The following IMPG1 variants were observed in gnomAD, a reference collection of about 807,000 sequenced individuals.
IMPG1 encodes the protein interphotoreceptor matrix proteoglycan of 150 kDa.
In IMPG1, 85 loss-of-function variants were observed where a neutral mutation model predicts 92.0. The observed-to-expected ratio is 0.92, with a 90% CI of 0.78 to 1.11. IMPG1 has a LOEUF of 1.11. IMPG1 is among the 50% of genes least tolerant of loss of function. The pLI is 0.00. For synonymous variants in IMPG1, 367 were observed against 334.1 expected (o/e 1.10, Z -1.08); for missense variants, 1,022 against 956.0 (o/e 1.07, Z -0.91).
At chr6:76,029,201 T>C (rs577845912) in intron 4 of IMPG1, among the ~76,000 whole-genome samples, 23 of 152,314 alleles carry the variant, frequency 1.5e-4, no homozygotes, top group Admixed American at 1.3e-3. Context: ...TCCAAGTTTA[T>C]CTTTGGACCT....
At chr6:76,012,119 A>G (rs373229322) in intron 7 of IMPG1, among the ~76,000 whole-genome samples, 1 of 152,202 alleles carries the variant, frequency 6.6e-6, no homozygotes, top group Non-Finnish European at 1.5e-5. Context: ...CTAATCTAAT[A>G]GATTAGATTT....
chr6:75,923,027 G>C (rs907417440), intron 16 of IMPG1, among the ~76,000 whole-genome samples: 1 of 151,682 alleles, frequency 6.6e-6, no homozygotes, highest in Non-Finnish European at 1.5e-5. Flanking sequence ...ATTGTCCAAG[G>C]TTTTTTCCCC....
intron 1 of IMPG1, among the ~76,000 whole-genome samples, chr6:76,068,770 G>A (rs1452298894): frequency 5.9e-5 from 9 of 151,956 alleles, no homozygotes; most frequent in African/African-American, 2.2e-4. Flanking sequence ...GCCCACCTCA[G>A]CCTCCCAAAG....
intron 15 of IMPG1, among the ~76,000 whole-genome samples, chr6:75,929,070 AT>A (rs1781616348): frequency 6.6e-6 from 1 of 152,242 alleles, no homozygotes; most frequent in East Asian, 1.9e-4. Context: ...TGCTGTGAAC[AT>A]TTTTGTAAGC....
At chr6:76,041,768 G>A (rs2127594489) in intron 2 of IMPG1, 125 bp downstream of exon 2, 2 of 653,354 alleles carry the variant, frequency 3.1e-6, no homozygotes, top group East Asian at 5.4e-5. Context: ...TCACTAGGTT[G>A]ATTTTTATAA....
intron 12 of IMPG1, among the ~76,000 whole-genome samples, chr6:75,953,903 G>A (rs1359259032): frequency 6.6e-6 from 1 of 152,126 alleles, no homozygotes; most frequent in African/African-American, 2.4e-5. Flanking sequence ...AAGAATGATG[G>A]TTTCTAGCTT....
intron 12 of IMPG1, among the ~76,000 whole-genome samples, chr6:75,999,876 T>C (rs544839654): frequency 1.5e-4 from 23 of 152,232 alleles, no homozygotes; most frequent in Non-Finnish European, 3.2e-4. Flanking sequence ...AATCAATTCT[T>C]GAATTAAGGC....
chr6:75,968,719 T>C (rs1414951178), intron 12 of IMPG1, among the ~76,000 whole-genome samples: 1 of 152,172 alleles, frequency 6.6e-6, no homozygotes, highest in African/African-American at 2.4e-5. Flanking sequence ...TTTTGTAAAC[T>C]TTGACACTCC....
chr6:76,022,852 T>G (rs775684976), intron 5 of IMPG1, among the ~76,000 whole-genome samples: 11 of 152,324 alleles, frequency 7.2e-5, no homozygotes, highest in Admixed American at 2.0e-4. Context: ...TTTAAAAAAA[T>G]GCTCAGAGAA....
At chr6:75,925,644 CAGTG>C (rs1781536979) in intron 15 of IMPG1, among the ~76,000 whole-genome samples, 1 of 149,916 alleles carries the variant, frequency 6.7e-6, no homozygotes, top group African/African-American at 2.5e-5. Flanking sequence ...CTGGGCAACA[CAGTG>C]AGACCCTATC....
intron 12 of IMPG1, among the ~76,000 whole-genome samples, chr6:75,973,638 AGTT>A (rs1307744226): frequency 6.6e-6 from 1 of 152,202 alleles, no homozygotes; most frequent in Non-Finnish European, 1.5e-5. Context: ...CAAGGTTATA[AGTT>A]GTTGGGCTGG....
At chr6:76,059,051 G>C (rs1462699376) in intron 1 of IMPG1, among the ~76,000 whole-genome samples, 1 of 152,104 alleles carries the variant, frequency 6.6e-6, no homozygotes, top group East Asian at 1.9e-4. Flanking sequence ...AGAGGCTGAG[G>C]GACTGATGTT....
chr6:76,049,701 C>G (rs916136480), intron 1 of IMPG1, among the ~76,000 whole-genome samples: 1 of 152,070 alleles, frequency 6.6e-6, no homozygotes, highest in Admixed American at 6.6e-5. Context: ...TGTAACAAAA[C>G]AGACAATTTG....
intron 1 of IMPG1, among the ~76,000 whole-genome samples, chr6:76,051,375 A>T (rs1202841281): frequency 6.6e-6 from 1 of 152,214 alleles, no homozygotes; most frequent in Non-Finnish European, 1.5e-5. Flanking sequence ...TCTATCCCAG[A>T]AGACTGCATG....
chr6:75,964,559 C>A (rs1345103641), intron 12 of IMPG1, among the ~76,000 whole-genome samples: 2 of 151,474 alleles, frequency 1.3e-5, no homozygotes, highest in Non-Finnish European at 2.9e-5. Flanking sequence ...CGCCTGTAAT[C>A]CCAGCTACTC....
chr6:76,044,822 T>A (rs1783908559), intron 1 of IMPG1, among the ~76,000 whole-genome samples: 1 of 152,184 alleles, frequency 6.6e-6, no homozygotes, highest in South Asian at 2.1e-4. Context: ...TTTTCCCAGG[T>A]GGATCCCTTT....
At chr6:76,004,817 G>T (rs1783063075) in intron 10 of IMPG1, among the ~76,000 whole-genome samples, 2 of 152,322 alleles carry the variant, frequency 1.3e-5, no homozygotes, top group Admixed American at 1.3e-4. Context: ...AATGAGGCTT[G>T]CTGCTTCTAG....
chr6:76,002,401 ATTC>A (rs1432776106), intron 12 of IMPG1, among the ~76,000 whole-genome samples: 3 of 152,226 alleles, frequency 2.0e-5, no homozygotes, highest in Non-Finnish European at 4.4e-5. Context: ...GTTTACTGAT[ATTC>A]TTTTTTACTT....
chr6:76,033,924 A>C (rs1016238083), intron 4 of IMPG1, among the ~76,000 whole-genome samples: 1 of 152,210 alleles, frequency 6.6e-6, no homozygotes, highest in Non-Finnish European at 1.5e-5. Flanking sequence ...ATACCAAATG[A>C]GAGTTCAAAA....
Sources: allele counts gnomAD v4.1 joint callset (sites outside exome capture counted in the v4.1 genomes callset), GRCh38; gene constraint gnomAD v4.1.1; transcripts MANE v1.5; gene names NCBI Gene and HGNC (gene_info 2026-07-23, HGNC 2026-07-21).